Variants in ROBO2 observed in about 807,000 individuals in gnomAD.
ROBO2 encodes the protein roundabout homolog 2.
Under a neutral mutation model 160.8 loss-of-function variants are expected in ROBO2, and 53 were observed. That is an observed-to-expected ratio of 0.33 (90% CI 0.26 to 0.41). The LOEUF (loss-of-function observed/expected upper bound fraction) is 0.41. Among genes scored for constraint, ROBO2 ranks in the 10% least tolerant of loss-of-function variants. The pLI is 1.00. For missense variants in ROBO2, 1,577 were observed against 1,722.4 expected, an observed-to-expected ratio of 0.92 and a Z score of 1.49; for synonymous variants, 664 against 611.7, an observed-to-expected ratio of 1.09 and a Z score of -1.26.
chr3:76,350,516 A>T (rs2108279450), intron 2 of ROBO2, among the ~76,000 whole-genome samples: 1 of 152,186 alleles, frequency 6.6e-6, no homozygotes, highest in South Asian at 2.1e-4. Context: ...GCTGAGTTTT[A>T]ACTAGCTTTA....
chr3:77,238,118 A>G (rs780501705), intron 2 of ROBO2, among the ~76,000 whole-genome samples: 4 of 152,098 alleles, frequency 2.6e-5, no homozygotes, highest in Admixed American at 6.5e-5. Flanking sequence ...GGTTCTTTAT[A>G]TACTTGCATA....
At chr3:76,096,323 C>T (rs1485865386) in intron 2 of ROBO2, among the ~76,000 whole-genome samples, 1 of 151,964 alleles carries the variant, frequency 6.6e-6, no homozygotes, top group Non-Finnish European at 1.5e-5. Context: ...CAAGAATATT[C>T]AGAAGAAAAG....
intron 2 of ROBO2, among the ~76,000 whole-genome samples, chr3:77,427,764 C>T (rs541282257): frequency 6.6e-6 from 1 of 152,270 alleles, no homozygotes; most frequent in African/African-American, 2.4e-5. Context: ...TAGTCAGCTT[C>T]ATTGTGTTTG....
intron 2 of ROBO2, among the ~76,000 whole-genome samples, chr3:76,416,422 GT>G (rs1231399937): frequency 2.0e-5 from 3 of 151,616 alleles, no homozygotes; most frequent in African/African-American, 7.3e-5. Context: ...AACTGTGTGT[GT>G]GTGGGGGGGA....
intron 17 of ROBO2, among the ~76,000 whole-genome samples, chr3:77,593,451 C>T (rs1224307096): frequency 6.6e-6 from 1 of 152,160 alleles, no homozygotes; most frequent in Non-Finnish European, 1.5e-5. Context: ...GCCTTTTCAT[C>T]TTCTCTGAGC....
intron 2 of ROBO2, among the ~76,000 whole-genome samples, chr3:77,422,460 C>T (rs2077796765): frequency 6.6e-6 from 1 of 152,124 alleles, no homozygotes; most frequent in South Asian, 2.1e-4. Flanking sequence ...GCCTTCAAGA[C>T]ACCATTTTTA....
chr3:77,507,016 A>G (rs1435444400), intron 5 of ROBO2, among the ~76,000 whole-genome samples: 1 of 152,138 alleles, frequency 6.6e-6, no homozygotes, highest in Non-Finnish European at 1.5e-5. Flanking sequence ...AGAATATATA[A>G]GGCAGATAAT....
intron 2 of ROBO2, among the ~76,000 whole-genome samples, chr3:76,557,604 CTT>C (rs58555009): frequency 0.012 from 1,629 of 130,328 alleles, 17 homozygotes; most frequent in African/African-American, 0.03. Context: ...TAAAGGGTGC[CTT>C]TTTTTTTTTT....
intron 2 of ROBO2, among the ~76,000 whole-genome samples, chr3:76,896,288 T>A (rs1030343144): frequency 1.2e-4 from 18 of 152,194 alleles, no homozygotes; most frequent in African/African-American, 4.3e-4. Context: ...CTACTGTAAC[T>A]ACCTGCAAAA....
intron 2 of ROBO2, among the ~76,000 whole-genome samples, chr3:77,146,472 A>G (rs2077130707): frequency 6.6e-6 from 1 of 152,132 alleles, no homozygotes; most frequent in South Asian, 2.1e-4. Flanking sequence ...TTAAGACAAG[A>G]TTAATAATCA....
At chr3:76,481,787 C>G in intron 2 of ROBO2, among the ~76,000 whole-genome samples, 1 of 152,020 alleles carries the variant, frequency 6.6e-6, no homozygotes, top group Non-Finnish European at 1.5e-5. Context: ...GAGCGTCACT[C>G]CACACAGAAG....
intron 2 of ROBO2, among the ~76,000 whole-genome samples, chr3:76,334,571 A>G (rs1250418579): frequency 6.6e-6 from 1 of 152,086 alleles, no homozygotes; most frequent in Non-Finnish European, 1.5e-5. Flanking sequence ...TTTTTTTAAG[A>G]GATTGAAAGG....
intron 2 of ROBO2, among the ~76,000 whole-genome samples, chr3:75,962,492 C>G (rs1383395599): frequency 2.6e-5 from 4 of 151,704 alleles, no homozygotes; most frequent in African/African-American, 4.8e-5. Flanking sequence ...GTTTCTTTGC[C>G]TCCGATATAA....
At chr3:77,160,368 C>A (rs908150773) in intron 2 of ROBO2, among the ~76,000 whole-genome samples, 4 of 151,890 alleles carry the variant, frequency 2.6e-5, no homozygotes, top group Non-Finnish European at 5.9e-5. Flanking sequence ...TTGGAAAATA[C>A]TTTTTTCTTA....
At chr3:76,021,881 G>T (rs1035949474) in intron 2 of ROBO2, among the ~76,000 whole-genome samples, 1 of 151,238 alleles carries the variant, frequency 6.6e-6, no homozygotes, top group Admixed American at 6.6e-5. Flanking sequence ...AATGAAGTTT[G>T]CCACATTGGT....
intron 2 of ROBO2, among the ~76,000 whole-genome samples, chr3:76,994,161 A>G (rs2060856651): frequency 6.6e-6 from 1 of 151,946 alleles, no homozygotes; most frequent in African/African-American, 2.4e-5. Flanking sequence ...GTTAAATGTT[A>G]GCTTTGAACA....
intron 2 of ROBO2, among the ~76,000 whole-genome samples, chr3:77,033,308 T>A (rs1358536434): frequency 6.6e-6 from 1 of 152,186 alleles, no homozygotes; most frequent in East Asian, 1.9e-4. Flanking sequence ...AGAAGACTAA[T>A]ATTTTCCTGA....
At chr3:77,188,535 G>A (rs1164208468) in intron 2 of ROBO2, among the ~76,000 whole-genome samples, 1 of 151,784 alleles carries the variant, frequency 6.6e-6, no homozygotes, top group Non-Finnish European at 1.5e-5. Context: ...TTTTTATGTG[G>A]CATTTTCATA....
At chr3:77,237,411 T>TGTGTGTGTGTG (rs1553862752) in intron 2 of ROBO2, among the ~76,000 whole-genome samples, 3 of 131,044 alleles carry the variant, frequency 2.3e-5, no homozygotes, top group African/African-American at 5.6e-5. Context: ...TTGTTTTGTT[T>TGTGTGTGTGTG]TGTGTGTGTG....
Sources: gnomAD v4.1 joint callset for allele counts (sites outside exome capture counted in the v4.1 genomes callset) on GRCh38, gnomAD v4.1.1 for gene constraint, MANE v1.5 for transcripts, NCBI Gene and HGNC (gene_info 2026-07-23, HGNC 2026-07-21) for gene names.